The following GALK2 variants were observed in gnomAD, a reference collection of about 807,000 sequenced individuals.
GALK2 encodes the protein galactokinase 2.
A neutral mutation model predicts 52.4 loss-of-function variants in GALK2; 36 were observed. The observed-to-expected ratio is 0.69, with a 90% confidence interval of 0.53 to 0.91. GALK2 has a LOEUF of 0.91. GALK2 is among the 40% of genes least tolerant of loss of function. The pLI is 0.00. For missense variants in GALK2, 579 were observed against 559.1 expected (o/e 1.04, Z -0.36); for synonymous variants, 176 against 199.1 (o/e 0.88, Z 0.98).
chr15:49,169,339 G>T (rs1280640571), upstream of GALK2, among the ~76,000 whole-genome samples: 1 of 151,846 alleles, frequency 6.6e-6, no homozygotes, highest in African/African-American at 2.4e-5. Context: ...TTTCTGAGGT[G>T]CAAAGTGCAC....
At chr15:49,200,273 A>T (rs2087624813) in intron 1 of GALK2, among the ~76,000 whole-genome samples, 1 of 152,194 alleles carries the variant, frequency 6.6e-6, no homozygotes, top group South Asian at 2.1e-4. Context: ...GATTTGCCGA[A>T]CTTTGACATT....
chr15:49,273,978 T>C (rs1340178168), intron 5 of GALK2, among the ~76,000 whole-genome samples: 1 of 152,126 alleles, frequency 6.6e-6, no homozygotes, highest in Admixed American at 6.5e-5. Flanking sequence ...CCAGGACTAG[T>C]TGTAGCTGTG....
chr15:49,157,550 A>C (rs1372122665), intron 1 of GALK2, among the ~76,000 whole-genome samples: 2 of 152,200 alleles, frequency 1.3e-5, no homozygotes, highest in African/African-American at 4.8e-5. Flanking sequence ...CTTCAGAGAG[A>C]GAGGCAGTAG....
Position 49,217,217 on chromosome 15 carries a change from C to A in GALK2, c.170C>A (p.Ser57Tyr). Residue 57 changes from serine (S) to tyrosine (Y), a missense_variant, in exon 3 of 10, where the codon TCT (serine) becomes TAT (tyrosine). Coordinates refer to ENST00000560031, the MANE Select transcript of GALK2 (RefSeq NM_002044.4). Reference sequence around the variant, plus strand: ...GAGCATATAGATTATTGTGGATATTCTGTTCTTCCTATGGCTGTAGAACAA... The same window carrying A: ...GAGCATATAGATTATTGTGGATATTATGTTCTTCCTATGGCTGTAGAACAA... Reference protein sequence around the residue: ...IGEHIDYCGYSVLPMAVEQDV... With the variant: ...IGEHIDYCGYYVLPMAVEQDV... 6.2e-7 allele frequency: 1 copy of A among 1,610,628 alleles called. No individual in the cohort carries two copies. The highest frequency in any genetic ancestry group is 8.5e-7 in the Non-Finnish European group (1 of 1,176,996).
At chr15:49,244,019 A>G (rs1321877852) in intron 5 of GALK2, among the ~76,000 whole-genome samples, 2 of 152,158 alleles carry the variant, frequency 1.3e-5, no homozygotes, top group African/African-American at 4.8e-5. Flanking sequence ...GCTGGACAAT[A>G]AGAGAGAAAA....
intron 1 of GALK2, among the ~76,000 whole-genome samples, chr15:49,181,500 A>G (rs1319208697): frequency 7.5e-6 from 1 of 133,996 alleles, no homozygotes; most frequent in Non-Finnish European, 1.6e-5. Context: ...TAAAAAAAAG[A>G]CTTTTTTTTT....
intron 8 of GALK2, among the ~76,000 whole-genome samples, chr15:49,299,784 T>TTCCTTCC (rs368619465): frequency 7.1e-6 from 1 of 140,160 alleles, no homozygotes; most frequent in Admixed American, 7.2e-5. Flanking sequence ...TCTTTCTTTC[T>TTCCTTCC]TTCTTTCTTT....
chr15:49,250,615 C>A (rs1488734871), intron 5 of GALK2, among the ~76,000 whole-genome samples: 1 of 152,072 alleles, frequency 6.6e-6, no homozygotes, highest in Non-Finnish European at 1.5e-5. Flanking sequence ...GGATACTTTT[C>A]TATTCAGCCA....
chr15:49,317,779 A>G (rs1375421191), intron 8 of GALK2, among the ~76,000 whole-genome samples: 1 of 152,182 alleles, frequency 6.6e-6, no homozygotes, highest in Non-Finnish European at 1.5e-5. Flanking sequence ...TGAAGCTGGA[A>G]ACTATCATTC....
chr15:49,247,027 G>C (rs550882737), intron 5 of GALK2, among the ~76,000 whole-genome samples: 1 of 152,310 alleles, frequency 6.6e-6, no homozygotes, highest in South Asian at 2.1e-4. Context: ...CTAGGCCGTA[G>C]TTAAGGGAAA....
intron 8 of GALK2, 46 bp downstream of exon 8, chr15:49,292,583 C>T: frequency 6.7e-7 from 1 of 1,487,614 alleles, no homozygotes; most frequent in Non-Finnish European, 9.3e-7. Context: ...CCCTCACTTA[C>T]AGCTGGAAGG....
chr15:49,314,757 T>A (rs1372849810), intron 8 of GALK2, among the ~76,000 whole-genome samples: 1 of 152,068 alleles, frequency 6.6e-6, no homozygotes, highest in Non-Finnish European at 1.5e-5. Context: ...TGGTGATAGG[T>A]GTTGGGAGCA....
chr15:49,252,097 C>G (rs1387009875), intron 5 of GALK2, among the ~76,000 whole-genome samples: 1 of 152,106 alleles, frequency 6.6e-6, no homozygotes, highest in Non-Finnish European at 1.5e-5. Context: ...GAAACTCTGT[C>G]TCTCCTAAAA....
At chr15:49,160,180 C>G (rs1361279195) in intron 1 of GALK2, among the ~76,000 whole-genome samples, 3 of 151,906 alleles carry the variant, frequency 2.0e-5, no homozygotes, top group Non-Finnish European at 2.9e-5. Flanking sequence ...AAACCTTAGG[C>G]AGGAGAATTG....
At chr15:49,200,146 T>A (rs1047469236) in intron 1 of GALK2, among the ~76,000 whole-genome samples, 2 of 152,166 alleles carry the variant, frequency 1.3e-5, no homozygotes, top group African/African-American at 4.8e-5. Context: ...TGACTTGAGA[T>A]AATTTGAGAG....
intron 8 of GALK2, among the ~76,000 whole-genome samples, chr15:49,307,257 A>G (rs1482168940): frequency 1.3e-5 from 2 of 152,178 alleles, no homozygotes; most frequent in African/African-American, 4.8e-5. Context: ...TCTCAAGTCA[A>G]CGGGGAGAGG....
intron 3 of GALK2, among the ~76,000 whole-genome samples, chr15:49,351,213 C>T (rs1358892355): frequency 6.6e-6 from 1 of 152,104 alleles, no homozygotes; most frequent in Non-Finnish European, 1.5e-5. Flanking sequence ...CACTGTGCTT[C>T]TATACAAATA....
intron 1 of GALK2, among the ~76,000 whole-genome samples, chr15:49,159,129 A>G (rs2084556191): frequency 6.6e-6 from 1 of 152,188 alleles, no homozygotes; most frequent in African/African-American, 2.4e-5. Context: ...ATATATTCCT[A>G]ATAATAATTA....
Position 49,299,742 on chromosome 15 carries a change from T to TCTTTCTTTC in GALK2, c.967+7206_967+7214dup, listed in dbSNP as rs2034853630. ...TCTTTCTTTCTTTCTTTCTTTTCTT[T>TCTTTCTTTC]CTTTCTTTCTTTCTTTCTTTCTTTC... On this transcript the variant is annotated intron_variant, in intron 8 of 9. Transcript: ENST00000560031. Among the ~76,000 whole-genome samples the TCTTTCTTTC allele has an allele frequency of 2.1e-4, 23 of 107,326 alleles. 1 individual carries two copies. The highest frequency in any genetic ancestry group is 7.8e-4 in the African/African-American group (23 of 29,506). The allele number at this position is 107,326 out of a possible 152,430, so 70.4% of individuals were successfully genotyped here. A position where few individuals can be genotyped will look rare whatever the true frequency, so the allele number is the denominator to read the frequency against.
Sources: allele counts gnomAD v4.1 joint callset (sites outside exome capture counted in the v4.1 genomes callset), GRCh38; gene constraint gnomAD v4.1.1; transcripts MANE v1.5; gene names NCBI Gene and HGNC (gene_info 2026-07-23, HGNC 2026-07-21).